Variants in DZIP3 observed in about 807,000 individuals in gnomAD.
DZIP3 encodes E3 ubiquitin-protein ligase DZIP3.
DZIP3 carries 118 observed loss-of-function variants against 162.0 expected under a neutral mutation model. That is an observed-to-expected ratio of 0.73 (90% CI 0.63 to 0.85). The LOEUF is 0.85. DZIP3 is among the 40% of genes least tolerant of loss of function. The pLI, the probability that DZIP3 is intolerant of heterozygous loss-of-function variation, is 0.00. For synonymous variants in DZIP3, 438 were observed against 458.6 expected (o/e 0.96, Z 0.57); for missense variants, 1,331 against 1,407.0 (o/e 0.95, Z 0.86).
chr3:108,633,555 A>G (rs1002604002), intron 9 of DZIP3, among the ~76,000 whole-genome samples: 4 of 151,842 alleles, frequency 2.6e-5, no homozygotes, highest in South Asian at 2.1e-4. Context: ...TTTAGCTATC[A>G]GAATACTTCT....
At chr3:108,693,097 T>C (rs1015521229) in intron 32 of DZIP3, among the ~76,000 whole-genome samples, 6 of 151,600 alleles carry the variant, frequency 4.0e-5, no homozygotes, top group Non-Finnish European at 8.8e-5. Context: ...TACCCAGTTA[T>C]GTCAAGAGAT....
At chr3:108,668,778 GT>G (rs1221332848) in intron 21 of DZIP3, among the ~76,000 whole-genome samples, 2 of 151,886 alleles carry the variant, frequency 1.3e-5, no homozygotes, top group African/African-American at 4.8e-5. Context: ...AGGTGAATGG[GT>G]AGTCTCTGAA....
intron 4 of DZIP3, among the ~76,000 whole-genome samples, chr3:108,611,956 T>A (rs1322884715): frequency 9.5e-6 from 1 of 104,980 alleles, no homozygotes; most frequent in Non-Finnish European, 1.9e-5. Context: ...AGAGCAACAC[T>A]CTGTCTCAAA....
intron 10 of DZIP3, among the ~76,000 whole-genome samples, chr3:108,635,200 G>A (rs1418418479): frequency 6.6e-6 from 1 of 151,646 alleles, no homozygotes; most frequent in African/African-American, 2.4e-5. Context: ...GCTCTTTGTA[G>A]GTGATACACT....
chr3:108,654,359 T>G, intron 19 of DZIP3, 49 bp downstream of exon 19: 1 of 1,602,810 alleles, frequency 6.2e-7, no homozygotes, highest in Non-Finnish European at 8.5e-7. Context: ...GTTATCTGGT[T>G]TTTCCTGTGA....
chr3:108,596,806 G>T (rs929622278), intron 1 of DZIP3, among the ~76,000 whole-genome samples: 2 of 152,130 alleles, frequency 1.3e-5, no homozygotes, highest in Non-Finnish European at 1.5e-5. Context: ...ACTTCATGGG[G>T]CTTATATTCT....
intron 1 of DZIP3, among the ~76,000 whole-genome samples, chr3:108,594,125 T>C (rs1190394346): frequency 2.6e-5 from 4 of 152,162 alleles, no homozygotes; most frequent in Non-Finnish European, 5.9e-5. Flanking sequence ...CTTAGTAGTT[T>C]TAAATTTCCA....
chr3:108,691,082 G>A, intron 32 of DZIP3, 179 bp downstream of exon 32: 2 of 537,908 alleles, frequency 3.7e-6, no homozygotes, highest in Non-Finnish European at 6.6e-6. Context: ...GAAAGAGCTT[G>A]AAGCAGATGG....
intron 8 of DZIP3, 56 bp downstream of exon 8, chr3:108,629,232 A>G (rs1941721681): frequency 8.9e-7 from 1 of 1,124,744 alleles, no homozygotes; most frequent in Non-Finnish European, 1.3e-6. Context: ...ATAACCAACT[A>G]TATCATATTC....
At chr3:108,631,055 A>ACACACACGCACACACACTCTCTCTCTCT in intron 8 of DZIP3, among the ~76,000 whole-genome samples, 1 of 18,006 alleles carries the variant, frequency 5.6e-5, no homozygotes, top group East Asian at 2.5e-3. Context: ...ACACACACAC[A>ACACACACGCACACACACTCTCTCTCTCT]CTCTCTCTCT....
At chr3:108,660,135 C>A (rs1217608976) in intron 19 of DZIP3, among the ~76,000 whole-genome samples, 21 of 152,142 alleles carry the variant, frequency 1.4e-4, no homozygotes, top group Admixed American at 1.4e-3. Flanking sequence ...TTGGAAAAAA[C>A]CACTTTAAAG....
At chr3:108,622,301 A>C (rs1247205086) in intron 5 of DZIP3, among the ~76,000 whole-genome samples, 1 of 152,130 alleles carries the variant, frequency 6.6e-6, no homozygotes, top group Non-Finnish European at 1.5e-5. Flanking sequence ...AAGCTCCAGA[A>C]TTTCTACTTG....
chr3:108,642,541 T>A, intron 13 of DZIP3, 27 bp downstream of exon 13: 1 of 1,422,602 alleles, frequency 7.0e-7, no homozygotes, highest in South Asian at 1.3e-5. Flanking sequence ...ATATGCCTTC[T>A]GTTGAAAAGT....
intron 9 of DZIP3, 118 bp downstream of exon 9, chr3:108,633,190 A>G: frequency 2.4e-6 from 1 of 413,354 alleles, no homozygotes; most frequent in Non-Finnish European, 3.5e-6. Flanking sequence ...ATTTAGTTTA[A>G]TTACAATGGT....
At position 108,688,058 on chromosome 3, in the gene DZIP3, T is replaced by A; in HGVS notation, c.3232T>A (p.Cys1078Ser). The A allele has an allele frequency of 6.2e-7, 1 of 1,613,722 alleles. No individual in the cohort carries two copies. Among genetic ancestry groups the A allele is most frequent in the Non-Finnish European group, 8.5e-7 (1 of 1,179,792 alleles). The change falls in exon 29 of 33, where the codon TGC becomes AGC. Residue 1078 changes from cysteine to serine, a missense_variant. Physicochemically the swap from Cys to Ser is moderately radical, Grantham distance 112. Transcript: ENST00000361582. Reference sequence around the variant, plus strand: ...TGAACTGACATTTGATGAAATTGTTTGCAAGATTTCCCAGTTTATTGACCC... The same window carrying A: ...TGAACTGACATTTGATGAAATTGTTAGCAAGATTTCCCAGTTTATTGACCC... Reference protein sequence around the residue: ...LSELTFDEIVCKISQFIDPKK... With the variant: ...LSELTFDEIVSKISQFIDPKK...
intron 26 of DZIP3, among the ~76,000 whole-genome samples, chr3:108,678,882 T>C (rs1157160363): frequency 6.6e-6 from 1 of 151,960 alleles, no homozygotes; most frequent in Non-Finnish European, 1.5e-5. Flanking sequence ...TTGTATGGAG[T>C]TACACTGTTT....
chr3:108,672,564 C>G lies in DZIP3; in HGVS notation c.2497C>G (p.Gln833Glu), dbSNP rs1338035706. 1 of 1,610,988 alleles carries G rather than the reference C, an allele frequency of 6.2e-7. No individual in the cohort carries two copies. Among genetic ancestry groups the G allele is most frequent in the Admixed American group, 1.7e-5 (1 of 59,746 alleles). ...LKEQLSMKRSQWEMEKHNLES... is the reference protein window; with the variant it reads ...LKEQLSMKRSEWEMEKHNLES... ...TTTAATGATCATGTATTTCAGATCT[C>G]AGTGGGAAATGGAAAAACATAATCT... The change falls in exon 23 of 33, where the codon CAG becomes GAG. Residue 833 changes from glutamine to glutamate, a missense_variant. This residue lies in a region of DZIP3 where 1,278 missense variants were observed against 1,317.1 expected (regional missense o/e 0.97). Coordinates refer to ENST00000361582, the MANE Select transcript of DZIP3 (RefSeq NM_014648.4).
chr3:108,687,870 T>C, intron 28 of DZIP3, 106 bp from the exon 29 acceptor site: 1 of 1,443,782 alleles, frequency 6.9e-7, no homozygotes, highest in South Asian at 1.2e-5. Context: ...GTCTGTATGC[T>C]ACATATCAAT....
chr3:108,598,200 T>C (rs1471085080), intron 1 of DZIP3, among the ~76,000 whole-genome samples: 1 of 152,180 alleles, frequency 6.6e-6, no homozygotes, highest in African/African-American at 2.4e-5. Flanking sequence ...AAATTAAATA[T>C]GTTACTAGAA....
Sources: allele counts gnomAD v4.1 joint callset (sites outside exome capture counted in the v4.1 genomes callset), GRCh38; gene constraint gnomAD v4.1.1; regional missense constraint gnomAD v4.1.1; transcripts MANE v1.5; gene names NCBI Gene and HGNC (gene_info 2026-07-23, HGNC 2026-07-21).